The following DAB2IP variants were observed in gnomAD, a reference collection of about 807,000 sequenced individuals.
DAB2IP encodes DAB2 interacting protein.
Under a neutral mutation model 107.2 loss-of-function variants are expected in DAB2IP, and 28 were observed. The ratio of observed to expected loss-of-function variants is 0.26; its 90% CI spans 0.19 to 0.36. The LOEUF is 0.36. Ranked by LOEUF, DAB2IP falls within the 10% of genes least tolerant of loss-of-function variation. The pLI, the probability that DAB2IP is intolerant of heterozygous loss-of-function variation, is 1.00. For synonymous variants in DAB2IP, 755 were observed against 706.4 expected, an observed-to-expected ratio of 1.07 and a Z score of -1.09; for missense variants, 1,400 against 1,644.7, an observed-to-expected ratio of 0.85 and a Z score of 2.57.
At chr9:121,624,980 C>T (rs899595138) in intron 1 of DAB2IP, among the ~76,000 whole-genome samples, 10 of 152,126 alleles carry the variant, frequency 6.6e-5, no homozygotes, top group South Asian at 2.1e-4. Context: ...GCCGGGATCT[C>T]GGAGGCTAAG....
At chr9:121,625,408 C>A in intron 1 of DAB2IP, among the ~76,000 whole-genome samples, 1 of 147,508 alleles carries the variant, frequency 6.8e-6, no homozygotes, top group East Asian at 2.0e-4. Flanking sequence ...CTGGTGAACT[C>A]TTTTTTTTTT....
rs1391796876 is a variant in DAB2IP at position 121,599,761 on chromosome 9, G to T, written c.40+32533G>T. 1.3e-5 allele frequency among the ~76,000 whole-genome samples: 2 copies of T among 152,160 alleles called. No homozygotes were observed. The highest frequency in any genetic ancestry group is 2.4e-5 in the African/African-American group (1 of 41,534). Reference sequence around the variant, plus strand: ...CAGCGCCCAGCGGCCCGGCCCGCGCGTAGAGGTAAAAGCTGGGGGCCGCGG... The same window carrying T: ...CAGCGCCCAGCGGCCCGGCCCGCGCTTAGAGGTAAAAGCTGGGGGCCGCGG... On this transcript the variant is annotated intron_variant, in intron 1 of 16. Transcript: ENST00000259371. The surrounding 1 kb of genome is among the most constrained non-coding windows in gnomAD (Gnocchi z 6.9).
chr9:121,651,513 G>A (rs1832735433), upstream of DAB2IP: 1 of 315,324 alleles, frequency 3.2e-6, no homozygotes, highest in Non-Finnish European at 4.7e-6. The surrounding 1 kb of genome is among the most constrained non-coding windows in gnomAD (Gnocchi z 5.1). Flanking sequence ...TCCAGGCCGG[G>A]ATTTCTCCCG....
chr9:121,741,875 T>G (rs1213763000), intron 3 of DAB2IP, among the ~76,000 whole-genome samples: 1 of 151,406 alleles, frequency 6.6e-6, no homozygotes, highest in African/African-American at 2.4e-5. Flanking sequence ...ATTATGTCCA[T>G]TTTTGAGGAG....
chr9:121,612,618 G>A (rs1013064584), intron 1 of DAB2IP, among the ~76,000 whole-genome samples: 2 of 152,178 alleles, frequency 1.3e-5, no homozygotes, highest in African/African-American at 4.8e-5. Context: ...ACAAGTCTCA[G>A]CTGCTGCTCC....
At chr9:121,656,385 A>C (rs1213594922) in intron 1 of DAB2IP, among the ~76,000 whole-genome samples, 1 of 152,134 alleles carries the variant, frequency 6.6e-6, no homozygotes, top group Non-Finnish European at 1.5e-5. Flanking sequence ...CGAGCCTGAG[A>C]ACAGCCCTGA....
At chr9:121,686,416 C>T (rs1445561178) in intron 2 of DAB2IP, among the ~76,000 whole-genome samples, 2 of 152,184 alleles carry the variant, frequency 1.3e-5, no homozygotes, top group East Asian at 3.9e-4. Flanking sequence ...TCCATTTCCC[C>T]AGCCCTGCAC....
chr9:121,707,774 C>G (rs1830133481), intron 3 of DAB2IP, among the ~76,000 whole-genome samples: 1 of 152,210 alleles, frequency 6.6e-6, no homozygotes, highest in African/African-American at 2.4e-5. Context: ...ATTGCAGCTG[C>G]AGATTGTTAG....
intron 1 of DAB2IP, among the ~76,000 whole-genome samples, chr9:121,604,892 C>A (rs911056112): frequency 3.3e-5 from 5 of 152,218 alleles, no homozygotes; most frequent in Non-Finnish European, 7.3e-5. Flanking sequence ...CTGCACCCCC[C>A]TCCTCAACAG....
rs1834858067 is a variant in DAB2IP, at chr9:121,772,764, C to A, written c.2236C>A (p.Leu746Ile). Residue 746 changes from leucine (L) to isoleucine (I), a missense_variant, in exon 12 of 16, where the codon CTC becomes ATC. Physicochemically the swap from Leu to Ile is conservative, Grantham distance 5. Transcript: ENST00000408936. This position sits in a 1 kb window ranked among gnomAD's most constrained non-coding sequence, Gnocchi z 4.7. ...TCAGATGGCCAACGGTGGCAAGAGC[C>A]TCTCCATGGTGGACCTCCAGGACGC... 5 of 1,613,728 alleles carry A rather than the reference C, an allele frequency of 3.1e-6. No homozygotes were observed. The highest frequency in any genetic ancestry group is 4.2e-6 in the Non-Finnish European group (5 of 1,179,998).
At chr9:121,781,670 C>G in intron 15 of DAB2IP, 119 bp downstream of exon 15, 1 of 1,004,994 alleles carries the variant, frequency 1.0e-6, no homozygotes, top group Non-Finnish European at 1.5e-6. Flanking sequence ...AATAAGAAAC[C>G]AGAATCTGCC....
At chr9:121,668,645 C>T (rs1463932041) in intron 1 of DAB2IP, among the ~76,000 whole-genome samples, 1 of 152,128 alleles carries the variant, frequency 6.6e-6, no homozygotes, top group African/African-American at 2.4e-5. Flanking sequence ...TGTGCTGAGT[C>T]ATATCACCTA....
chr9:121,690,651 A>G (rs1023011487), intron 2 of DAB2IP, among the ~76,000 whole-genome samples: 2 of 152,216 alleles, frequency 1.3e-5, no homozygotes, highest in African/African-American at 4.8e-5. Context: ...AATCCTGGGC[A>G]CTGGCAGGTA....
chr9:121,576,458 C>T (rs1339951377), intron 1 of DAB2IP, among the ~76,000 whole-genome samples: 1 of 152,150 alleles, frequency 6.6e-6, no homozygotes, highest in African/African-American at 2.4e-5. Flanking sequence ...CCTGCCCATC[C>T]TGAAGTCTCA....
rs372070457 is a variant in DAB2IP, at chr9:121,599,630, C to T, written c.40+32402C>T. The stretch of plus-strand genomic sequence containing the variant: ...TCCGCCCGCCCCGCTCCACTCGGCC[C>T]AGCTGGCGCGAAGGAAACTTTCCTG... On this transcript the variant is annotated intron_variant, in intron 1 of 16. Coordinates refer to the DAB2IP transcript ENST00000259371. This position sits in a 1 kb window ranked among gnomAD's most constrained non-coding sequence, Gnocchi z 6.9. Among the ~76,000 whole-genome samples the T allele has an allele frequency of 6.6e-6, 1 of 152,176 alleles. No individual in the cohort carries two copies. Among genetic ancestry groups the T allele is most frequent in the African/African-American group, 2.4e-5 (1 of 41,468 alleles).
intron 1 of DAB2IP, among the ~76,000 whole-genome samples, chr9:121,665,618 G>A (rs1833386831): frequency 6.6e-6 from 1 of 152,164 alleles, no homozygotes; most frequent in Non-Finnish European, 1.5e-5. Context: ...CATGTGTACA[G>A]ATGTGAAAAC....
At chr9:121,639,627 G>A (rs1000564462) in intron 1 of DAB2IP, among the ~76,000 whole-genome samples, 3 of 152,198 alleles carry the variant, frequency 2.0e-5, no homozygotes, top group African/African-American at 7.2e-5. Context: ...GTCAGGCACT[G>A]TTCAAACTGG....
chr9:121,783,622 C>T (rs1005049952), exon 16 of DAB2IP: 8 of 1,564,418 alleles, frequency 5.1e-6, no homozygotes, highest in South Asian at 1.1e-5. Context: ...TGGGAAATAG[C>T]GGCCCTGGAG....
intron 2 of DAB2IP, among the ~76,000 whole-genome samples, chr9:121,685,468 C>T (rs1828824033): frequency 6.6e-6 from 1 of 152,152 alleles, no homozygotes; most frequent in African/African-American, 2.4e-5. Flanking sequence ...GTCGCCCCAC[C>T]CCATTAATAC....
Sources: allele counts gnomAD v4.1 joint callset (sites outside exome capture counted in the v4.1 genomes callset), GRCh38; gene constraint gnomAD v4.1.1; non-coding constraint Gnocchi (gnomAD v3.1); transcripts MANE v1.5; gene names NCBI Gene and HGNC (gene_info 2026-07-23, HGNC 2026-07-21).